The following CECR2 variants were observed in gnomAD, a reference collection of about 807,000 sequenced individuals.
The protein encoded by CECR2 is chromatin remodeling regulator CECR2.
A neutral mutation model predicts 154.5 loss-of-function variants in CECR2; 30 were observed. That is an observed-to-expected ratio of 0.19 (90% CI 0.15 to 0.26). The LOEUF (loss-of-function observed/expected upper bound fraction) is 0.26. CECR2 is among the 10% of genes least tolerant of loss of function. The pLI, the probability that CECR2 is intolerant of heterozygous loss-of-function variation, is 1.00. For missense variants in CECR2, 1,743 were observed against 1,829.3 expected, an observed-to-expected ratio of 0.95 and a Z score of 0.86; for synonymous variants, 725 against 683.7, an observed-to-expected ratio of 1.06 and a Z score of -0.94.
intron 2 of CECR2, among the ~76,000 whole-genome samples, chr22:17,487,874 T>G (rs1259368607): frequency 5.1e-5 from 5 of 97,354 alleles, no homozygotes; most frequent in Admixed American, 2.0e-4. Context: ...TTTCATGTAT[T>G]TATTTATTTA....
intron 2 of CECR2, among the ~76,000 whole-genome samples, chr22:17,485,292 C>T (rs566998494): frequency 7.2e-5 from 11 of 152,264 alleles, no homozygotes; most frequent in African/African-American, 1.9e-4. Context: ...CCTAGACCTC[C>T]GACTCCTAAC....
intron 1 of CECR2, among the ~76,000 whole-genome samples, chr22:17,403,925 T>C (rs1185243346): frequency 6.6e-6 from 1 of 152,058 alleles, no homozygotes; most frequent in East Asian, 1.9e-4. Context: ...TGGGGTTTTT[T>C]TTGAGTGGGG....
chr22:17,492,821 T>C (rs1460145769), intron 2 of CECR2, among the ~76,000 whole-genome samples: 2 of 152,142 alleles, frequency 1.3e-5, no homozygotes, highest in South Asian at 2.1e-4. Context: ...TACTAAGTCA[T>C]TAAGAGGGAA....
intron 1 of CECR2, among the ~76,000 whole-genome samples, chr22:17,402,754 CTTTTT>C (rs386394918): frequency 1.1e-4 from 13 of 123,076 alleles, no homozygotes; most frequent in Admixed American, 8.9e-5. Flanking sequence ...TTCTTTTCTT[CTTTTT>C]TTTTTTTTTT....
At chr22:17,502,630 C>T (rs1212494588) in intron 5 of CECR2, among the ~76,000 whole-genome samples, 1 of 152,004 alleles carries the variant, frequency 6.6e-6, no homozygotes, top group South Asian at 2.1e-4. Flanking sequence ...GGTGAAATCC[C>T]GTCTCTACTA....
At chr22:17,500,857 A>C in intron 5 of CECR2, 122 bp downstream of exon 5, 1 of 681,926 alleles carries the variant, frequency 1.5e-6, no homozygotes, top group Non-Finnish European at 2.4e-6. Flanking sequence ...CCTGAAACTG[A>C]GTCCTTATGA....
rs545043372 is a variant in CECR2 at position 17,557,744 on chromosome 22, C to CCCCTTCCCTT, written c.*4922_*4931dup. On this transcript the variant is annotated 3_prime_UTR_variant, in exon 19 of 19. Transcript: ENST00000262608. ...GACCCCCGTTCAGGAAACCATGCAG[C>CCCCTTCCCTT]CCCTTCCCTTCCCTTCCCTTCCCTT... The CCCCTTCCCTT allele has an allele frequency of 3.3e-5, 5 of 152,050 alleles. No individual in the cohort carries two copies. Among genetic ancestry groups the CCCCTTCCCTT allele is most frequent in the East Asian group, 1.9e-4 (1 of 5,186 alleles). 9.4% of individuals were successfully genotyped at this position (152,050 alleles called of 1,614,324 possible).
chr22:17,551,236 C>T (rs2056703786), intron 17 of CECR2, among the ~76,000 whole-genome samples: 1 of 152,200 alleles, frequency 6.6e-6, no homozygotes, highest in South Asian at 2.1e-4. Flanking sequence ...GATTACCACA[C>T]TCAAGGCAAA....
intron 1 of CECR2, among the ~76,000 whole-genome samples, chr22:17,428,845 T>A (rs1384181571): frequency 7.1e-6 from 1 of 140,874 alleles, no homozygotes; most frequent in Non-Finnish European, 1.5e-5. Context: ...GGCAGCAGAG[T>A]CATCTGGGAA....
At chr22:17,382,105 T>C (rs1248362004) in intron 1 of CECR2, among the ~76,000 whole-genome samples, 1 of 151,728 alleles carries the variant, frequency 6.6e-6, no homozygotes, top group Non-Finnish European at 1.5e-5. Context: ...TTAGCCAGGA[T>C]GGTCTTGATC....
chr22:17,463,282 T>C (rs987003430), intron 1 of CECR2, among the ~76,000 whole-genome samples: 4 of 152,144 alleles, frequency 2.6e-5, no homozygotes, highest in Admixed American at 6.5e-5. Flanking sequence ...GGTGAGGTCT[T>C]AGAGGTCATA....
At chr22:17,481,461 G>A (rs2055317025) in intron 2 of CECR2, among the ~76,000 whole-genome samples, 1 of 152,076 alleles carries the variant, frequency 6.6e-6, no homozygotes, top group Admixed American at 6.6e-5. Context: ...GAAATGATGA[G>A]TGAGAGTAAT....
intron 1 of CECR2, among the ~76,000 whole-genome samples, chr22:17,378,152 T>G (rs561620339): frequency 6.7e-6 from 1 of 149,340 alleles, no homozygotes; most frequent in South Asian, 2.1e-4. Flanking sequence ...CCCGGCTAAT[T>G]TTTTGTGTTT....
intron 1 of CECR2, among the ~76,000 whole-genome samples, chr22:17,473,397 C>T (rs1415811264): frequency 1.3e-5 from 2 of 152,174 alleles, no homozygotes; most frequent in Non-Finnish European, 2.9e-5. Context: ...CCCTTATTGC[C>T]TTAGTCTAAG....
intron 1 of CECR2, among the ~76,000 whole-genome samples, chr22:17,405,389 G>A (rs1310740550): frequency 6.6e-6 from 1 of 151,480 alleles, no homozygotes; most frequent in Non-Finnish European, 1.5e-5. Context: ...TCCAGCATGG[G>A]CAACGAGAGC....
At chr22:17,504,229 T>C (rs1297415889) in intron 6 of CECR2, among the ~76,000 whole-genome samples, 2 of 151,474 alleles carry the variant, frequency 1.3e-5, no homozygotes, top group African/African-American at 4.8e-5. Flanking sequence ...AAAGTTTAGC[T>C]GGATGTGCTG....
chr22:17,505,659 G>A (rs1001614560), intron 7 of CECR2, among the ~76,000 whole-genome samples: 3 of 148,244 alleles, frequency 2.0e-5, no homozygotes, highest in Admixed American at 6.9e-5. Context: ...TCAGCCTCCT[G>A]AGTAGCTGGG....
chr22:17,552,802 T>A (rs1388693970), intron 18 of CECR2, 33 bp from the exon 19 acceptor site: 3 of 1,442,508 alleles, frequency 2.1e-6, no homozygotes, highest in Non-Finnish European at 2.8e-6. Flanking sequence ...ACCCAATTTT[T>A]ATTTTTGTTT....
chr22:17,447,338 A>G (rs1285808658), intron 1 of CECR2, among the ~76,000 whole-genome samples: 3 of 151,952 alleles, frequency 2.0e-5, no homozygotes, highest in East Asian at 3.9e-4. Flanking sequence ...ATTTTTTAGT[A>G]GACACGGGGT....
Sources: gnomAD v4.1 joint callset for allele counts (sites outside exome capture counted in the v4.1 genomes callset) on GRCh38, gnomAD v4.1.1 for gene constraint, MANE v1.5 for transcripts, NCBI Gene and HGNC (gene_info 2026-07-23, HGNC 2026-07-21) for gene names.